The following SLIT3 variants were observed in gnomAD, a reference collection of about 807,000 sequenced individuals.
The protein encoded by SLIT3 is slit guidance ligand 3.
In SLIT3, 68 loss-of-function variants were observed where a neutral mutation model predicts 184.0. The ratio of observed to expected loss-of-function variants is 0.37; its 90% CI spans 0.30 to 0.45. The LOEUF is 0.45. SLIT3 is among the 20% of genes least tolerant of loss of function. SLIT3 has a pLI of 1.00. For synonymous variants in SLIT3, 831 were observed against 828.6 expected (o/e 1.00, Z -0.05); for missense variants, 1,707 against 2,026.0 (o/e 0.84, Z 3.02).
chr5:168,933,152 T>G (rs1762047855), intron 4 of SLIT3, among the ~76,000 whole-genome samples: 1 of 152,070 alleles, frequency 6.6e-6, no homozygotes, highest in Non-Finnish European at 1.5e-5. Context: ...GAAATGGGGC[T>G]GAGGGTGAGG....
At chr5:169,235,148 CTAT>C (rs768230995) in intron 3 of SLIT3, among the ~76,000 whole-genome samples, 3 of 152,152 alleles carry the variant, frequency 2.0e-5, no homozygotes, top group East Asian at 1.9e-4. Context: ...TCAGAGATTC[CTAT>C]TATAAGTTTG....
intron 4 of SLIT3, among the ~76,000 whole-genome samples, chr5:169,062,495 A>AT (rs765320889): frequency 3.3e-5 from 5 of 152,042 alleles, no homozygotes; most frequent in Non-Finnish European, 7.4e-5. Context: ...TTCTTCTCTG[A>AT]TTTTATCTGT....
intron 4 of SLIT3, among the ~76,000 whole-genome samples, chr5:169,105,932 CT>C (rs1421342526): frequency 1.3e-5 from 2 of 151,702 alleles, no homozygotes; most frequent in African/African-American, 4.9e-5. Context: ...GTGCATGTAT[CT>C]TTATAATAGA....
At chr5:169,101,862 C>T (rs1312070410) in intron 4 of SLIT3, among the ~76,000 whole-genome samples, 1 of 152,190 alleles carries the variant, frequency 6.6e-6, no homozygotes, top group African/African-American at 2.4e-5. Context: ...ACTTTCTGTA[C>T]AACCTTCAAG....
chr5:169,259,404 C>G (rs1335035390), intron 1 of SLIT3, among the ~76,000 whole-genome samples: 1 of 152,124 alleles, frequency 6.6e-6, no homozygotes, highest in Non-Finnish European at 1.5e-5. Context: ...AATTTTTCAC[C>G]CACGGGCTAC....
intron 1 of SLIT3, among the ~76,000 whole-genome samples, chr5:169,256,794 G>A (rs1283425227): frequency 2.6e-5 from 4 of 152,146 alleles, no homozygotes; most frequent in Admixed American, 1.3e-4. Context: ...GGGGGCAGAA[G>A]GCTCCCGAGT....
chr5:168,758,722 C>G (rs1401482804), intron 16 of SLIT3, among the ~76,000 whole-genome samples: 1 of 152,188 alleles, frequency 6.6e-6, no homozygotes. Flanking sequence ...TGAGTAGCAC[C>G]AGTGAGATCC....
chr5:168,892,985 T>C (rs1401215978), intron 4 of SLIT3, among the ~76,000 whole-genome samples: 1 of 152,210 alleles, frequency 6.6e-6, no homozygotes, highest in African/African-American at 2.4e-5. Flanking sequence ...GAAATATCAG[T>C]GGGGTTCCAA....
At chr5:168,813,962 C>T (rs1757246568) in intron 8 of SLIT3, among the ~76,000 whole-genome samples, 1 of 152,206 alleles carries the variant, frequency 6.6e-6, no homozygotes, top group Non-Finnish European at 1.5e-5. Flanking sequence ...ATTGCTACCC[C>T]AATGCCTCTT....
At chr5:169,151,669 T>A (rs1762121032) in intron 4 of SLIT3, among the ~76,000 whole-genome samples, 1 of 152,214 alleles carries the variant, frequency 6.6e-6, no homozygotes, top group South Asian at 2.1e-4. Flanking sequence ...GCTACTAACT[T>A]CCCAGGCTTG....
intron 20 of SLIT3, among the ~76,000 whole-genome samples, chr5:168,726,759 G>A (rs1015841595): frequency 1.3e-5 from 2 of 151,860 alleles, no homozygotes; most frequent in African/African-American, 2.4e-5. Flanking sequence ...GATCATTTGA[G>A]GTCAGGAGTT....
chr5:169,023,795 T>G (rs886131077), intron 4 of SLIT3: 2 of 152,072 alleles, frequency 1.3e-5, no homozygotes, highest in Admixed American at 6.6e-5. Context: ...GGGTCAGGGG[T>G]TGAGTTTTAT....
chr5:168,810,817 C>T (rs1030870529), intron 8 of SLIT3, among the ~76,000 whole-genome samples: 3 of 152,124 alleles, frequency 2.0e-5, no homozygotes, highest in Non-Finnish European at 2.9e-5. Flanking sequence ...GGTGCTGCCT[C>T]CGGTCCAGGG....
rs77456061 is a variant in SLIT3 at position 168,963,078 on chromosome 5, C to T, written c.414-79742G>A. Among the ~76,000 whole-genome samples the T allele has an allele frequency of 5.6e-3, 846 of 152,300 alleles. 9 individuals are homozygous for T. Among genetic ancestry groups the T allele is most frequent in the African/African-American group, 0.019 (777 of 41,568 alleles). ...CTTTTTGCTTCTTTATTTCATTTGG[C>T]GAGGGGTTGGCGAACTATGGCCTAC... On this transcript the variant is annotated intron_variant, in intron 4 of 35. Transcript: ENST00000519560.
rs181682758 is a variant in SLIT3 at position 169,000,122 on chromosome 5, C to T, written c.414-116786G>A. 5.3e-5 allele frequency among the ~76,000 whole-genome samples: 8 copies of T among 151,986 alleles called. No individual in the cohort carries two copies. The East Asian group carries it at 1.2e-3, about 22-fold the overall frequency. The stretch of plus-strand genomic sequence containing the variant: ...GCGATCATTATTAAGAAGTTATGGC[C>T]GGGTGCGGTGGCTGTAATCCCAGCA... On this transcript the variant is annotated intron_variant, in intron 4 of 35. Coordinates refer to ENST00000519560, the MANE Select transcript of SLIT3 (RefSeq NM_003062.4).
At chr5:169,189,866 T>C (rs917623696) in intron 4 of SLIT3, among the ~76,000 whole-genome samples, 1 of 152,106 alleles carries the variant, frequency 6.6e-6, no homozygotes, top group Non-Finnish European at 1.5e-5. Flanking sequence ...CATGAAGTGC[T>C]CAGAACAGCA....
chr5:168,909,800 G>C (rs149455190), intron 4 of SLIT3, among the ~76,000 whole-genome samples: 1 of 152,158 alleles, frequency 6.6e-6, no homozygotes, highest in Non-Finnish European at 1.5e-5. Context: ...GTTTGAGCAC[G>C]TTTTAAGGGA....
intron 1 of SLIT3, among the ~76,000 whole-genome samples, chr5:169,256,941 C>G (rs182630623): frequency 6.6e-6 from 1 of 151,964 alleles, no homozygotes; most frequent in East Asian, 2.0e-4. Flanking sequence ...TTACTAATCA[C>G]AGTAATGATT....
chr5:169,265,913 C>T (rs1766381495), intron 1 of SLIT3, among the ~76,000 whole-genome samples: 1 of 152,230 alleles, frequency 6.6e-6, no homozygotes, highest in African/African-American at 2.4e-5. Context: ...CCTTCATCCA[C>T]TTCAGGCACA....
Sources: allele counts gnomAD v4.1 joint callset (sites outside exome capture counted in the v4.1 genomes callset), GRCh38; gene constraint gnomAD v4.1.1; transcripts MANE v1.5; gene names NCBI Gene and HGNC (gene_info 2026-07-23, HGNC 2026-07-21).